Variants in KCNJ16 observed in about 807,000 individuals in gnomAD.
KCNJ16 encodes the protein inward rectifier potassium channel 16.
Under a neutral mutation model 18.5 loss-of-function variants are expected in KCNJ16, and 15 were observed. The observed-to-expected ratio is 0.81, with a 90% CI of 0.54 to 1.25. The LOEUF is 1.25. Ranked by LOEUF, KCNJ16 falls within the 50% of genes most tolerant of loss-of-function variation. The pLI is 0.00. For missense variants in KCNJ16, 523 were observed against 525.7 expected, an observed-to-expected ratio of 0.99 and a Z score of 0.05; for synonymous variants, 174 against 186.5, an observed-to-expected ratio of 0.93 and a Z score of 0.55.
Position 70,132,428 on chromosome 17 carries a change from A to G in KCNJ16, c.341A>G (p.Asn114Ser). ...CCAGACATCACACCTTGTGTTGACA[A>G]CGTCCATTCTTTCACAGGGGCCTTT... Reference protein sequence around the residue: ...NDPDITPCVDNVHSFTGAFLF... With the variant: ...NDPDITPCVDSVHSFTGAFLF... The change falls in exon 4 of 4, where the codon AAC becomes AGC. Residue 114 changes from asparagine (N) to serine (S), a missense_variant. Physicochemically the swap from Asn to Ser is conservative, Grantham distance 46. Coordinates refer to ENST00000392671, the MANE Select transcript of KCNJ16 (RefSeq NM_170741.4). The G allele has an allele frequency of 6.2e-7, 1 of 1,614,208 alleles. No individual in the cohort carries two copies.
At chr17:70,118,702 C>T (rs955005700) in intron 2 of KCNJ16, among the ~76,000 whole-genome samples, 6 of 152,030 alleles carry the variant, frequency 3.9e-5, no homozygotes, top group East Asian at 3.9e-4. Flanking sequence ...ATGAGAGATG[C>T]GCCCCCATGA....
At chr17:70,084,350 A>C (rs2071695585) in intron 1 of KCNJ16, among the ~76,000 whole-genome samples, 1 of 152,170 alleles carries the variant, frequency 6.6e-6, no homozygotes, top group African/African-American at 2.4e-5. Flanking sequence ...CCTGACATTG[A>C]AGAGTCCATT....
intron 2 of KCNJ16, among the ~76,000 whole-genome samples, chr17:70,106,850 A>G (rs1458019597): frequency 1.3e-5 from 2 of 152,074 alleles, no homozygotes; most frequent in Non-Finnish European, 2.9e-5. Flanking sequence ...ATGGCAAGAG[A>G]CATTCTTTTG....
chr17:70,117,689 C>T (rs1159155481), intron 2 of KCNJ16, among the ~76,000 whole-genome samples: 1 of 152,082 alleles, frequency 6.6e-6, no homozygotes, highest in Non-Finnish European at 1.5e-5. Flanking sequence ...TAAATATCAT[C>T]TTTGTATTAT....
intron 2 of KCNJ16, among the ~76,000 whole-genome samples, chr17:70,103,288 G>A (rs1416308905): frequency 1.1e-5 from 1 of 88,630 alleles, no homozygotes; most frequent in Non-Finnish European, 2.1e-5. Context: ...ATGCATATAT[G>A]TGTGTGTGTA....
chr17:70,093,385 C>T (rs1387572188), intron 1 of KCNJ16, among the ~76,000 whole-genome samples: 1 of 152,140 alleles, frequency 6.6e-6, no homozygotes, highest in Non-Finnish European at 1.5e-5. Flanking sequence ...TTCCTTGTAG[C>T]AGTGCAATTC....
rs950986718 is a variant in KCNJ16 at position 70,129,498 on chromosome 17, T to A, written c.-190-1381T>A. ...GAGAAATGGGTCAGATTGGATATGG[T>A]TTATTTGGTTACAATTGATCATTTG... On this transcript the variant is annotated intron_variant, in intron 2 of 3. Coordinates refer to ENST00000392671, the MANE Select transcript of KCNJ16 (RefSeq NM_170741.4). Among the ~76,000 whole-genome samples the A allele has an allele frequency of 4.6e-5, 7 of 152,296 alleles. No homozygotes were observed. The East Asian group carries it at 1.4e-3, about 29-fold the overall frequency.
At chr17:70,102,184 CCTT>C (rs977230927) in intron 2 of KCNJ16, 5 of 148,038 alleles carry the variant, frequency 3.4e-5, no homozygotes, top group African/African-American at 1.0e-4. Context: ...AATCAGGACA[CCTT>C]CTTCTTTCTT....
In KCNJ16 at chr17:70,133,559, C is replaced by G; in HGVS notation, c.*215C>G. The G allele has an allele frequency of 2.1e-6, 1 of 472,992 alleles. No homozygotes were observed. The highest frequency in any genetic ancestry group is 3.8e-6 in the Non-Finnish European group (1 of 260,698). 29.3% of individuals were successfully genotyped at this position (472,992 alleles called of 1,614,324 possible). A position where few individuals can be genotyped will look rare whatever the true frequency, so the allele number is the denominator to read the frequency against. On this transcript the variant is annotated 3_prime_UTR_variant, in exon 4 of 4. Transcript: ENST00000392671. Reference sequence around the variant, plus strand: ...GTTCGCCAATTTTGTATTAAGAATGCTATTAAGCCTAATTGATTAAAATTT... The same window carrying G: ...GTTCGCCAATTTTGTATTAAGAATGGTATTAAGCCTAATTGATTAAAATTT...
intron 2 of KCNJ16, among the ~76,000 whole-genome samples, chr17:70,127,385 G>C (rs2073891078): frequency 6.6e-6 from 1 of 152,080 alleles, no homozygotes; most frequent in Non-Finnish European, 1.5e-5. Flanking sequence ...ACCTAAGCGG[G>C]TCTGAATGTC....
intron 2 of KCNJ16, among the ~76,000 whole-genome samples, chr17:70,125,746 T>C (rs1199091183): frequency 1.3e-5 from 2 of 152,224 alleles, no homozygotes; most frequent in Non-Finnish European, 2.9e-5. Context: ...CTGGCCAACA[T>C]GGTGAAACCC....
At chr17:70,113,228 T>C (rs2073261480) in intron 2 of KCNJ16, among the ~76,000 whole-genome samples, 1 of 152,224 alleles carries the variant, frequency 6.6e-6, no homozygotes, top group African/African-American at 2.4e-5. Context: ...GGGAAGCATC[T>C]TTGTTCCTTA....
chr17:70,132,638 T>C lies in KCNJ16; in HGVS notation c.551T>C (p.Phe184Ser). The C allele has an allele frequency of 6.2e-7, 1 of 1,614,228 alleles. No homozygotes were observed. The highest frequency in any genetic ancestry group is 2.2e-5 in the East Asian group (1 of 44,890). ...TARKRAQTIRFSYFALIGMRD... is the reference protein window; with the variant it reads ...TARKRAQTIRSSYFALIGMRD... Reference sequence around the variant, plus strand: ...CGAAAGAGAGCCCAAACCATTCGTTTCAGCTACTTTGCACTTATAGGTATG... The same window carrying C: ...CGAAAGAGAGCCCAAACCATTCGTTCCAGCTACTTTGCACTTATAGGTATG... Residue 184 changes from phenylalanine to serine, a missense_variant, in exon 4 of 4, where the codon TTC becomes TCC. Physicochemically the swap from Phe to Ser is radical, Grantham distance 155. Transcript: ENST00000392671.
chr17:70,087,876 G>C (rs2071887786), intron 1 of KCNJ16, among the ~76,000 whole-genome samples: 1 of 151,828 alleles, frequency 6.6e-6, no homozygotes, highest in African/African-American at 2.4e-5. Flanking sequence ...CTGATCTTTA[G>C]TTTAGAAGTT....
chr17:70,079,066 T>C (rs1184927394), intron 1 of KCNJ16, among the ~76,000 whole-genome samples: 1 of 152,046 alleles, frequency 6.6e-6, no homozygotes, highest in Non-Finnish European at 1.5e-5. Context: ...AGAAACAGGA[T>C]ACAGGAGAGC....
chr17:70,110,631 A>G (rs1048408455), intron 2 of KCNJ16, among the ~76,000 whole-genome samples: 5 of 152,304 alleles, frequency 3.3e-5, no homozygotes, highest in Non-Finnish European at 7.4e-5. Flanking sequence ...AGGAAGCTTC[A>G]TGCTTGCTGC....
At chr17:70,105,259 A>G (rs1025488420) in intron 2 of KCNJ16, among the ~76,000 whole-genome samples, 7 of 152,094 alleles carry the variant, frequency 4.6e-5, no homozygotes, top group African/African-American at 1.7e-4. Context: ...TTTCTCTCAT[A>G]TATCTCTGGG....
At chr17:70,100,288 TC>T (rs1435290357) in intron 1 of KCNJ16, among the ~76,000 whole-genome samples, 1 of 152,210 alleles carries the variant, frequency 6.6e-6, no homozygotes, top group African/African-American at 2.4e-5. Context: ...ACAATTGTTT[TC>T]TCTATTTCAA....
At chr17:70,080,363 A>G (rs1250796451) in intron 1 of KCNJ16, among the ~76,000 whole-genome samples, 1 of 152,204 alleles carries the variant, frequency 6.6e-6, no homozygotes, top group Non-Finnish European at 1.5e-5. Context: ...AGAACTGAGT[A>G]ATTTTATGGA....
Sources: gnomAD v4.1 joint callset for allele counts (sites outside exome capture counted in the v4.1 genomes callset) on GRCh38, gnomAD v4.1.1 for gene constraint, MANE v1.5 for transcripts, NCBI Gene and HGNC (gene_info 2026-07-23, HGNC 2026-07-21) for gene names.